Variants in KCNJ3 observed in about 807,000 individuals in gnomAD.
KCNJ3 encodes G protein-activated inward rectifier potassium channel 1.
In KCNJ3, 4 loss-of-function variants were observed where a neutral mutation model predicts 39.2. The observed-to-expected ratio is 0.10, with a 90% CI of 0.05 to 0.23. The LOEUF is 0.23. Ranked by LOEUF, KCNJ3 falls within the 10% of genes least tolerant of loss-of-function variation. The pLI, the probability that KCNJ3 is intolerant of heterozygous loss-of-function variation, is 1.00. For missense variants in KCNJ3, 276 were observed against 634.9 expected (o/e 0.43, Z 6.08); for synonymous variants, 230 against 237.4 (o/e 0.97, Z 0.29).
chr2:154,854,624 C>T, intron 2 of KCNJ3, 103 bp from the exon 3 acceptor site: 1 of 793,464 alleles, frequency 1.3e-6, no homozygotes, highest in South Asian at 1.9e-5. Context: ...GATAAACAGT[C>T]CAAAACCTAG....
Position 154,729,483 on chromosome 2 carries a change from C to T in KCNJ3, c.919+19664C>T, listed in dbSNP as rs570414829. On this transcript the variant is annotated intron_variant, in intron 2 of 2. Transcript: ENST00000295101. ...TATAGTAGTCAGTGTTCACAATACC[C>T]CTTGTAGATTTTATTTTATCAACAA... Among the ~76,000 whole-genome samples, 7 of 152,228 alleles carry T rather than the reference C, an allele frequency of 4.6e-5. No homozygotes were observed. In the South Asian group the frequency reaches 1.5e-3, roughly 32 times the overall value.
At chr2:154,758,146 A>C (rs1685975000) in intron 2 of KCNJ3, among the ~76,000 whole-genome samples, 1 of 152,162 alleles carries the variant, frequency 6.6e-6, no homozygotes, top group Non-Finnish European at 1.5e-5. Flanking sequence ...TCCTATGTTT[A>C]AGCTGAGTGC....
intron 2 of KCNJ3, among the ~76,000 whole-genome samples, chr2:154,756,626 T>C (rs2105185522): frequency 6.6e-6 from 1 of 151,502 alleles, no homozygotes; most frequent in African/African-American, 2.4e-5. Context: ...TGGTGTTTGG[T>C]TTTCTGGATA....
chr2:154,793,945 A>AT (rs886934657), intron 2 of KCNJ3, among the ~76,000 whole-genome samples: 49 of 151,050 alleles, frequency 3.2e-4, no homozygotes, highest in African/African-American at 5.3e-4. Flanking sequence ...GTATATATAT[A>AT]TTTTTTTTTC....
chr2:154,801,846 C>T (rs996753628), intron 2 of KCNJ3, among the ~76,000 whole-genome samples: 2 of 152,070 alleles, frequency 1.3e-5, no homozygotes, highest in South Asian at 2.1e-4. Context: ...AAGCTGGTCT[C>T]GAACTACTGG....
intron 1 of KCNJ3, among the ~76,000 whole-genome samples, chr2:154,708,137 A>AC (rs145918530): frequency 0.068 from 10,360 of 152,070 alleles, 885 homozygotes; most frequent in African/African-American, 0.2. Context: ...TCAGCCACAC[A>AC]CAAGTTAGAG....
chr2:154,785,213 T>C (rs1558873563), intron 2 of KCNJ3, among the ~76,000 whole-genome samples: 1 of 152,230 alleles, frequency 6.6e-6, no homozygotes, highest in Non-Finnish European at 1.5e-5. Context: ...TTGCTAGGCC[T>C]GTAGTAACGA....
chr2:154,815,235 A>G (rs1229972896), intron 2 of KCNJ3, among the ~76,000 whole-genome samples: 2 of 152,142 alleles, frequency 1.3e-5, no homozygotes, highest in African/African-American at 2.4e-5. Flanking sequence ...AACTTCTTCA[A>G]TATGTGTTTC....
At chr2:154,841,808 T>C (rs1687581700) in intron 2 of KCNJ3, among the ~76,000 whole-genome samples, 1 of 152,172 alleles carries the variant, frequency 6.6e-6, no homozygotes, top group Admixed American at 6.5e-5. Context: ...TTATTGCATC[T>C]ATTTGATTCT....
At chr2:154,776,777 C>T (rs1686343001) in intron 2 of KCNJ3, among the ~76,000 whole-genome samples, 1 of 152,012 alleles carries the variant, frequency 6.6e-6, no homozygotes, top group African/African-American at 2.4e-5. Flanking sequence ...CAGTACTAGA[C>T]ATTTAGCAGT....
At chr2:154,794,577 G>T (rs1031909528) in intron 2 of KCNJ3, among the ~76,000 whole-genome samples, 1 of 151,960 alleles carries the variant, frequency 6.6e-6, no homozygotes, top group African/African-American at 2.4e-5. Context: ...ATATCTAGAA[G>T]AGTGCTCACA....
At chr2:154,838,578 GA>G (rs1308942357) in intron 2 of KCNJ3, among the ~76,000 whole-genome samples, 1 of 152,190 alleles carries the variant, frequency 6.6e-6, no homozygotes, top group Admixed American at 6.5e-5. Context: ...TGTTGTTAAA[GA>G]TTTTTAAGAG....
chr2:154,784,272 TC>T (rs1488626955), intron 2 of KCNJ3, among the ~76,000 whole-genome samples: 2 of 152,256 alleles, frequency 1.3e-5, no homozygotes, highest in African/African-American at 4.8e-5. Flanking sequence ...GCTGAAAAGA[TC>T]TTTGCGTTTT....
chr2:154,841,664 G>T (rs1687579123), intron 2 of KCNJ3, among the ~76,000 whole-genome samples: 1 of 151,460 alleles, frequency 6.6e-6, no homozygotes, highest in African/African-American at 2.4e-5. Context: ...TCTTGGGAGG[G>T]TGTATGTATC....
chr2:154,762,171 G>C (rs954784435), intron 2 of KCNJ3, among the ~76,000 whole-genome samples: 2 of 152,152 alleles, frequency 1.3e-5, no homozygotes, highest in African/African-American at 4.8e-5. Flanking sequence ...GGTAATTAAT[G>C]TGTGTTGATT....
At position 154,723,023 on chromosome 2, in the gene KCNJ3, G is replaced by A. The variant is rs1023348784; in HGVS notation, c.919+13204G>A. Among the ~76,000 whole-genome samples the A allele has an allele frequency of 5.3e-5, 8 of 152,170 alleles. No individual in the cohort carries two copies. In the East Asian group the frequency reaches 1.4e-3, roughly 26 times the overall value. On this transcript the variant is annotated intron_variant, in intron 2 of 2. Coordinates refer to ENST00000295101, the MANE Select transcript of KCNJ3 (RefSeq NM_002239.4). Reference sequence around the variant, plus strand: ...AGGCTGAGCATGGTGGCTCGTGCCTGTCATCCCAGCACTTTGGGAGGCTGA... The same window carrying A: ...AGGCTGAGCATGGTGGCTCGTGCCTATCATCCCAGCACTTTGGGAGGCTGA...
chr2:154,826,268 A>G (rs1027391427), intron 2 of KCNJ3, among the ~76,000 whole-genome samples: 1 of 152,164 alleles, frequency 6.6e-6, no homozygotes, highest in Non-Finnish European at 1.5e-5. Flanking sequence ...GCCCAATGGG[A>G]TATGTGAAAA....
chr2:154,752,991 C>A (rs1685872934), intron 2 of KCNJ3, among the ~76,000 whole-genome samples: 1 of 151,966 alleles, frequency 6.6e-6, no homozygotes. Context: ...ATTGATCAAT[C>A]TTTAGGTATC....
chr2:154,846,556 A>G (rs1900132), intron 2 of KCNJ3, among the ~76,000 whole-genome samples: 48,333 of 151,954 alleles, frequency 0.32, 7,912 homozygotes, highest in East Asian at 0.41. Flanking sequence ...CATGCCCAAC[A>G]TCTTACTAAC....
Sources: allele counts gnomAD v4.1 joint callset (sites outside exome capture counted in the v4.1 genomes callset), GRCh38; gene constraint gnomAD v4.1.1; transcripts MANE v1.5; gene names NCBI Gene and HGNC (gene_info 2026-07-23, HGNC 2026-07-21).